The following RTTN variants were observed in gnomAD, a reference collection of about 807,000 sequenced individuals.
The protein encoded by RTTN is rotatin.
Under a neutral mutation model 269.2 loss-of-function variants are expected in RTTN, and 182 were observed. That is an observed-to-expected ratio of 0.68 (90% CI 0.60 to 0.76). RTTN has a LOEUF of 0.76. Among genes scored for constraint, RTTN ranks in the 30% least tolerant of loss-of-function variants. The pLI is 0.00. For synonymous variants in RTTN, 1,006 were observed against 963.5 expected (o/e 1.04, Z -0.82); for missense variants, 2,545 against 2,608.6 (o/e 0.98, Z 0.53).
At chr18:70,037,065 A>G (rs980898366) in intron 40 of RTTN, among the ~76,000 whole-genome samples, 8 of 152,328 alleles carry the variant, frequency 5.3e-5, no homozygotes, top group African/African-American at 1.7e-4. Context: ...GGGCTCAGCC[A>G]ACACCCATGC....
intron 40 of RTTN, among the ~76,000 whole-genome samples, chr18:70,046,625 GT>G (rs2144764150): frequency 6.6e-6 from 1 of 152,296 alleles, no homozygotes; most frequent in East Asian, 1.9e-4. Flanking sequence ...ACAACGTCCA[GT>G]TTTTGTTTTC....
At chr18:70,154,936 T>A (rs2060634940) in intron 14 of RTTN, among the ~76,000 whole-genome samples, 1 of 152,144 alleles carries the variant, frequency 6.6e-6, no homozygotes, top group South Asian at 2.1e-4. Context: ...AAATATCTAC[T>A]CATATTAGTC....
chr18:70,181,783 C>A (rs574076714), intron 10 of RTTN, among the ~76,000 whole-genome samples: 2 of 151,926 alleles, frequency 1.3e-5, no homozygotes, highest in Non-Finnish European at 2.9e-5. Flanking sequence ...TAAAATATAG[C>A]CAAAGAAAAG....
chr18:70,150,796 C>A (rs906779844), intron 14 of RTTN, 63 bp from the exon 15 acceptor site: 47 of 1,337,058 alleles, frequency 3.5e-5, no homozygotes, highest in Middle Eastern at 2.6e-4. Flanking sequence ...AAAGATCCAT[C>A]TTTCTTCTGT....
At chr18:70,202,689 A>G (rs1489808371) in intron 3 of RTTN, among the ~76,000 whole-genome samples, 1 of 152,272 alleles carries the variant, frequency 6.6e-6, no homozygotes, top group African/African-American at 2.4e-5. Context: ...AAGCAATGTT[A>G]GAATCCTGCA....
chr18:70,044,952 C>A (rs114781081), intron 40 of RTTN, among the ~76,000 whole-genome samples: 59 of 152,198 alleles, frequency 3.9e-4, no homozygotes, highest in African/African-American at 1.3e-3. Context: ...CTATAAAAGG[C>A]AAAACTACAG....
At chr18:70,016,568 C>T (rs1209326853) in intron 46 of RTTN, among the ~76,000 whole-genome samples, 1 of 152,142 alleles carries the variant, frequency 6.6e-6, no homozygotes. Context: ...AACTCACTCC[C>T]CACGAAATTC....
At chr18:70,184,132 A>G (rs2061480008) in intron 10 of RTTN, among the ~76,000 whole-genome samples, 1 of 152,256 alleles carries the variant, frequency 6.6e-6, no homozygotes, top group South Asian at 2.1e-4. Context: ...ATCAGAAATT[A>G]CTACACATAT....
At chr18:70,031,783 T>C (rs1790944344) in intron 40 of RTTN, among the ~76,000 whole-genome samples, 1 of 150,850 alleles carries the variant, frequency 6.6e-6, no homozygotes, top group Admixed American at 6.6e-5. Context: ...TAGCAGATCT[T>C]CAGAGGGAGG....
chr18:70,198,611 A>T (rs536299281), intron 5 of RTTN, among the ~76,000 whole-genome samples: 1 of 152,186 alleles, frequency 6.6e-6, no homozygotes, highest in Non-Finnish European at 1.5e-5. Context: ...CTGGACATTA[A>T]AATACTCTCT....
intron 28 of RTTN, among the ~76,000 whole-genome samples, chr18:70,103,825 T>C (rs2059246263): frequency 6.6e-6 from 1 of 151,724 alleles, no homozygotes; most frequent in African/African-American, 2.4e-5. Flanking sequence ...CCCCACTCTC[T>C]TCTGGCTTAT....
At chr18:70,205,337 CTATT>C (rs1400811324) in intron 1 of RTTN, 22 bp from the exon 2 acceptor site, 1 of 1,612,304 alleles carries the variant, frequency 6.2e-7, no homozygotes, top group African/African-American at 1.3e-5. Context: ...CGGCACAAAA[CTATT>C]TTATTTCCCG....
At chr18:70,102,210 C>T (rs1381596338) in intron 28 of RTTN, among the ~76,000 whole-genome samples, 2 of 152,072 alleles carry the variant, frequency 1.3e-5, no homozygotes, top group Non-Finnish European at 2.9e-5. Flanking sequence ...GTGTGGAGTC[C>T]AAGTCTCTTT....
chr18:70,017,522 T>G lies in RTTN; in HGVS notation c.6306A>C (p.Leu2102=), dbSNP rs777539912. The G allele has an allele frequency of 6.2e-7, 1 of 1,614,088 alleles. No homozygotes were observed. The highest frequency in any genetic ancestry group is 8.5e-7 in the Non-Finnish European group (1 of 1,179,976). ...QQMILRLDGC[L]DLLTEMSKYK... ...ATTTGCTCATCTCTGTTAGTAAGTC[T>G]AGACAGCCATCAAGCCTCAGAATCA... Residue 2102 remains leucine, a synonymous_variant, in exon 46 of 49, where the codon CTA becomes CTC. Coordinates refer to ENST00000640769, the MANE Select transcript of RTTN (RefSeq NM_173630.4).
At chr18:70,039,472 T>C (rs2057275671) in intron 40 of RTTN, among the ~76,000 whole-genome samples, 1 of 151,436 alleles carries the variant, frequency 6.6e-6, no homozygotes, top group Non-Finnish European at 1.5e-5. Flanking sequence ...GAAACTATCC[T>C]TCAAGTATGA....
intron 7 of RTTN, among the ~76,000 whole-genome samples, chr18:70,193,830 T>C (rs569769907): frequency 1.3e-5 from 2 of 152,330 alleles, no homozygotes; most frequent in East Asian, 1.9e-4. Context: ...GCTAAAGCCA[T>C]AAAGCTCTTA....
intron 7 of RTTN, among the ~76,000 whole-genome samples, chr18:70,194,922 TA>T (rs1363898090): frequency 6.6e-6 from 1 of 152,174 alleles, no homozygotes; most frequent in African/African-American, 2.4e-5. Flanking sequence ...ATTGTATACT[TA>T]AAAATGTTTA....
intron 12 of RTTN, among the ~76,000 whole-genome samples, chr18:70,167,778 A>C (rs989989981): frequency 2.6e-5 from 4 of 152,132 alleles, no homozygotes; most frequent in Non-Finnish European, 5.9e-5. Flanking sequence ...GAAAACAAGA[A>C]GACAGTGGTA....
At chr18:70,061,298 G>A (rs1372963812) in intron 35 of RTTN, 7 of 455,082 alleles carry the variant, frequency 1.5e-5, no homozygotes, top group Non-Finnish European at 3.1e-5. Flanking sequence ...ATTAACCTTT[G>A]AGCATTCCCT....
Sources: allele counts gnomAD v4.1 joint callset (sites outside exome capture counted in the v4.1 genomes callset), GRCh38; gene constraint gnomAD v4.1.1; transcripts MANE v1.5; gene names NCBI Gene and HGNC (gene_info 2026-07-23, HGNC 2026-07-21).